The following GALK2 variants were observed in gnomAD, a reference collection of about 807,000 sequenced individuals.
GALK2 encodes N-acetylgalactosamine kinase.
A neutral mutation model predicts 52.4 loss-of-function variants in GALK2; 36 were observed. That is an observed-to-expected ratio of 0.69 (90% CI 0.53 to 0.91). The LOEUF (loss-of-function observed/expected upper bound fraction) is 0.91. GALK2 is among the 40% of genes least tolerant of loss of function. The pLI is 0.00. For missense variants in GALK2, 579 were observed against 559.1 expected, an observed-to-expected ratio of 1.04 and a Z score of -0.36; for synonymous variants, 176 against 199.1, an observed-to-expected ratio of 0.88 and a Z score of 0.98.
intron 1 of GALK2, among the ~76,000 whole-genome samples, chr15:49,200,950 A>G (rs2087701786): frequency 6.6e-6 from 1 of 152,116 alleles, no homozygotes; most frequent in African/African-American, 2.4e-5. Context: ...TGTGCCATTT[A>G]GAGATTACAG....
At chr15:49,349,329 TCCTC>T in intron 3 of GALK2, among the ~76,000 whole-genome samples, 1 of 152,172 alleles carries the variant, frequency 6.6e-6, no homozygotes, top group African/African-American at 2.4e-5. Flanking sequence ...TTAAAACTCA[TCCTC>T]CCCCTCTTAA....
intron 3 of GALK2, among the ~76,000 whole-genome samples, chr15:49,228,679 A>ATTTTTTTTTT: frequency 8.8e-5 from 1 of 11,392 alleles, no homozygotes; most frequent in African/African-American, 3.7e-4. Context: ...ATATATATAT[A>ATTTTTTTTTT]TATATATATT....
Position 49,214,282 on chromosome 15 carries a change from CA to C in GALK2, c.143-2901del, listed in dbSNP as rs763926099. Among the ~76,000 whole-genome samples, 391 of 148,056 alleles carry C rather than the reference CA, an allele frequency of 2.6e-3. 1 individual carries two copies. Among genetic ancestry groups the C allele is most frequent in the Non-Finnish European group, 4.3e-3 (288 of 67,044 alleles). On this transcript the variant is annotated intron_variant, in intron 2 of 9. Transcript: ENST00000560031. ...AAAAAAGAAATCAGCAAAAAGAAAA[CA>C]AAAAAACCCCCCAAAACTTTACCTT...
At chr15:49,335,256 C>T (rs2039505094), downstream of GALK2, among the ~76,000 whole-genome samples, 1 of 152,204 alleles carries the variant, frequency 6.6e-6, no homozygotes, top group Admixed American at 6.5e-5. Context: ...ATGGTTACAA[C>T]ATACACCCTT....
At chr15:49,264,542 T>A (rs1192880810) in intron 5 of GALK2, among the ~76,000 whole-genome samples, 1 of 152,232 alleles carries the variant, frequency 6.6e-6, no homozygotes, top group Non-Finnish European at 1.5e-5. Flanking sequence ...CTCAGAGTAA[T>A]TTGATCGTCT....
chr15:49,363,120 C>T (rs2044540106), intron 3 of GALK2, among the ~76,000 whole-genome samples: 1 of 152,026 alleles, frequency 6.6e-6, no homozygotes, highest in Non-Finnish European at 1.5e-5. Context: ...TTTTTTGGTT[C>T]AACATAAATT....
rs2151114572 is a variant in GALK2, at chr15:49,328,117, T to C, written c.1335T>C (p.Ala445=). 4 of 1,614,076 alleles carry C rather than the reference T, an allele frequency of 2.5e-6. No homozygotes were observed. Among genetic ancestry groups the C allele is most frequent in the African/African-American group, 1.3e-5 (1 of 75,028 alleles). ...SLAPEKQSLF[A]TKPGGGALVL... ...CACCGGAGAAGCAAAGTTTGTTTGC[T>C]ACCAAACCTGGAGGTGGGGCTTTGG... Residue 445 remains alanine, a synonymous_variant, in exon 10 of 10, where the codon GCT becomes GCC. Coordinates refer to ENST00000560031, the MANE Select transcript of GALK2 (RefSeq NM_002044.4).
intron 9 of GALK2, among the ~76,000 whole-genome samples, chr15:49,326,237 C>T (rs573843229): frequency 2.7e-5 from 4 of 150,032 alleles, no homozygotes; most frequent in South Asian, 2.1e-4. Flanking sequence ...GAGTTTGATA[C>T]GACTGCATAT....
At chr15:49,340,557 T>C (rs960454684) in intron 3 of GALK2, among the ~76,000 whole-genome samples, 1 of 152,172 alleles carries the variant, frequency 6.6e-6, no homozygotes, top group Non-Finnish European at 1.5e-5. Context: ...ACCAGCGCTT[T>C]TCCTATTAGG....
At position 49,201,244 on chromosome 15, in the gene GALK2, A is replaced by G. The variant is rs747232695; in HGVS notation, c.136A>G (p.Ile46Val). 7.6e-6 allele frequency: 12 copies of G among 1,586,116 alleles called. No homozygotes were observed. The highest frequency in any genetic ancestry group is 9.5e-6 in the Non-Finnish European group (11 of 1,158,034). Reference sequence around the variant, plus strand: ...TGTTCGAGCACCAGGAAGAGTCAACATAATAGGTATTTCAAAAGTTCCTTC... The same window carrying G: ...TGTTCGAGCACCAGGAAGAGTCAACGTAATAGGTATTTCAAAAGTTCCTTC... Reference protein sequence around the residue: ...FYVRAPGRVNIIGEHIDYCGY... With the variant: ...FYVRAPGRVNVIGEHIDYCGY... Residue 46 changes from isoleucine (I) to valine (V), a missense_variant, in exon 2 of 10, where the codon ATA (isoleucine) becomes GTA (valine). Physicochemically the swap from Ile to Val is conservative, Grantham distance 29. Transcript: ENST00000560031.
intron 3 of GALK2, among the ~76,000 whole-genome samples, chr15:49,229,561 A>G (rs987337010): frequency 9.9e-5 from 15 of 152,222 alleles, no homozygotes; most frequent in African/African-American, 2.9e-4. Context: ...TCAGGTGCCA[A>G]TGGTGGTAGA....
At chr15:49,182,015 T>G (rs1381540184) in intron 1 of GALK2, among the ~76,000 whole-genome samples, 1 of 152,186 alleles carries the variant, frequency 6.6e-6, no homozygotes, top group Non-Finnish European at 1.5e-5. Flanking sequence ...TGATAATCTT[T>G]TAGTTATTAT....
chr15:49,287,959 T>TTCTC (rs10652845), intron 7 of GALK2, among the ~76,000 whole-genome samples: 89,030 of 151,544 alleles, frequency 0.59, 26,274 homozygotes, highest in Middle Eastern at 0.66. Flanking sequence ...CTCTGTCTCT[T>TTCTC]TCTCTCCATC....
intron 8 of GALK2, chr15:49,319,155 T>A (rs1302160527): frequency 2.2e-5 from 8 of 359,436 alleles, no homozygotes; most frequent in Non-Finnish European, 2.7e-5. Context: ...GTTTTCACCA[T>A]GTTGGTCAGG....
At chr15:49,320,104 A>C (rs1449424864) in intron 9 of GALK2, among the ~76,000 whole-genome samples, 1 of 152,112 alleles carries the variant, frequency 6.6e-6, no homozygotes, top group Non-Finnish European at 1.5e-5. Context: ...CAGGATGGTA[A>C]CTTTGCTCAG....
rs549108360 is a variant in GALK2, at chr15:49,292,664, A to G, written c.967+127A>G. ...AGACTGTGTTTTGGCAAGCTTAATTATTTAGAATCTTAGCTTCATAAATGT... is the reference window on the plus strand; with the variant it reads ...AGACTGTGTTTTGGCAAGCTTAATTGTTTAGAATCTTAGCTTCATAAATGT... On this transcript the variant is annotated intron_variant, in intron 8 of 9. Transcript: ENST00000560031. 51 of 717,372 alleles carry G rather than the reference A, an allele frequency of 7.1e-5. 2 individuals are homozygous for G. Among genetic ancestry groups the G allele is most frequent in the East Asian group, 6.2e-4 (23 of 37,058 alleles). The allele number at this position is 717,372 out of a possible 1,614,324, so 44.4% of individuals were successfully genotyped here.
Position 49,265,093 on chromosome 15 carries a change from G to C in GALK2, c.505-16894G>C, listed in dbSNP as rs370426945. On this transcript the variant is annotated intron_variant, in intron 5 of 9. Coordinates refer to ENST00000560031, the MANE Select transcript of GALK2 (RefSeq NM_002044.4). ...CCAGCTGCGTGCTGGGAGAACCACT[G>C]CTCTCTTCAAAGCTGTCAGACAGGG... is the stretch of plus-strand genomic sequence containing the variant. Among the ~76,000 whole-genome samples, 18 of 152,154 alleles carry C rather than the reference G, an allele frequency of 1.2e-4. 1 individual carries two copies. Among genetic ancestry groups the C allele is most frequent in the Non-Finnish European group, 2.4e-4 (16 of 68,032 alleles).
At chr15:49,334,206 T>C (rs2039302639), downstream of GALK2, 1 of 974,012 alleles carries the variant, frequency 1.0e-6, no homozygotes, top group South Asian at 4.8e-5. Context: ...CCAAGCTGAA[T>C]AAGAGACAAA....
chr15:49,363,371 T>C (rs904092703), intron 3 of GALK2, among the ~76,000 whole-genome samples: 2 of 152,182 alleles, frequency 1.3e-5, no homozygotes, highest in African/African-American at 4.8e-5. Flanking sequence ...AGGTATTTTA[T>C]TCTTTTTGTG....
Sources: gnomAD v4.1 joint callset for allele counts (sites outside exome capture counted in the v4.1 genomes callset) on GRCh38, gnomAD v4.1.1 for gene constraint, MANE v1.5 for transcripts, NCBI Gene and HGNC (gene_info 2026-07-23, HGNC 2026-07-21) for gene names.